The following DDX17 variants were observed in gnomAD, a reference collection of about 807,000 sequenced individuals.
DDX17 encodes the protein DEAD-box helicase 17.
In DDX17, 10 loss-of-function variants were observed where a neutral mutation model predicts 80.8. The observed-to-expected ratio is 0.12, with a 90% CI of 0.08 to 0.21. The LOEUF (loss-of-function observed/expected upper bound fraction) is 0.21, where lower values mean the gene tolerates loss of function less well. DDX17 is among the 10% of genes least tolerant of loss of function. The probability of loss-of-function intolerance (pLI) is 1.00; values close to 1 mark genes in which losing one functional copy is unlikely to be tolerated. For missense variants in DDX17, 586 were observed against 957.4 expected, an observed-to-expected ratio of 0.61 and a Z score of 5.12; for synonymous variants, 339 against 336.2, an observed-to-expected ratio of 1.01 and a Z score of -0.09.
intron 1 of DDX17, 27 bp downstream of exon 1, chr22:38,505,924 G>C (rs767818090): frequency 6.5e-7 from 1 of 1,541,604 alleles, no homozygotes; most frequent in Non-Finnish European, 8.7e-7. Flanking sequence ...CCCACGCCAG[G>C]CCTCTCCTCT....
chr22:38,500,958 C>T (rs1328461122), intron 2 of DDX17, among the ~76,000 whole-genome samples, 172 bp downstream of exon 2: 10 of 138,944 alleles, frequency 7.2e-5, no homozygotes, highest in East Asian at 2.0e-4. Flanking sequence ...TGGCGAAACC[C>T]GGTCTCTACA....
At chr22:38,503,933 G>A (rs1349483760) in intron 1 of DDX17, among the ~76,000 whole-genome samples, 1 of 152,150 alleles carries the variant, frequency 6.6e-6, no homozygotes, top group African/African-American at 2.4e-5. Context: ...TATGAAAGAA[G>A]GCTAGTTCGT....
At chr22:38,488,256 AG>A in intron 11 of DDX17, 141 bp from the exon 12 acceptor site, 3 of 1,557,466 alleles carry the variant, frequency 1.9e-6, no homozygotes, top group Non-Finnish European at 1.7e-6. Flanking sequence ...CACTCTGAAC[AG>A]AAACAAAAAA....
chr22:38,491,527 C>T (rs1023109702), intron 11 of DDX17: 2 of 152,112 alleles, frequency 1.3e-5, no homozygotes, highest in African/African-American at 2.4e-5. Context: ...AATTTGACCT[C>T]AGTAAATTAA....
chr22:38,491,692 G>T (rs971437904), intron 11 of DDX17: 1 of 202,208 alleles, frequency 4.9e-6, no homozygotes, highest in Non-Finnish European at 9.8e-6. Context: ...CAATAGCTAG[G>T]TTTCGTCAGG....
chr22:38,490,216 TAGA>T, intron 11 of DDX17: 1 of 1,211,076 alleles, frequency 8.3e-7, no homozygotes, highest in Non-Finnish European at 1.0e-6. Context: ...GCTGCCTTTC[TAGA>T]AGATGCTGTA....
intron 11 of DDX17, chr22:38,488,476 C>T: frequency 1.3e-5 from 14 of 1,119,358 alleles, no homozygotes; most frequent in South Asian, 9.9e-5. Context: ...AAAACCAGAA[C>T]ATAGAACAAA....
chr22:38,502,106 T>C (rs1319336112), intron 1 of DDX17, among the ~76,000 whole-genome samples: 1 of 152,188 alleles, frequency 6.6e-6, no homozygotes, highest in Non-Finnish European at 1.5e-5. Context: ...ATTTTTAGCT[T>C]ACGCTAATAA....
chr22:38,488,915 GAAATT>G (rs2089687894), intron 11 of DDX17: 1 of 985,314 alleles, frequency 1.0e-6, no homozygotes, highest in Non-Finnish European at 1.2e-6. Context: ...CGTGACCTGG[GAAATT>G]AAATTAATAG....
At chr22:38,502,119 G>C (rs568867666) in intron 1 of DDX17, among the ~76,000 whole-genome samples, 9 of 152,334 alleles carry the variant, frequency 5.9e-5, no homozygotes, top group African/African-American at 1.9e-4. Context: ...GCTAATAAAA[G>C]AGCTGAGCCT....
intron 11 of DDX17, chr22:38,490,090 G>A: frequency 9.1e-7 from 1 of 1,100,830 alleles, no homozygotes; most frequent in Non-Finnish European, 1.1e-6. Context: ...TACTAGAAAG[G>A]TGTCCTGTGT....
Position 38,485,826 on chromosome 22 carries a change from AAAAAG to A in DDX17, c.*104_*108del. On this transcript the variant is annotated 3_prime_UTR_variant, in exon 13 of 13. Coordinates refer to ENST00000403230, the MANE Select transcript of DDX17 (RefSeq NM_006386.5). ...GGTTGGGGGGAAAAATTAAAAAAAA[AAAAAG>A]AAAAAAGGAAAAAAAAAGAAAAGGC... The A allele has an allele frequency of 7.2e-7, 1 of 1,397,562 alleles. No individual in the cohort carries two copies. The highest frequency in any genetic ancestry group is 9.3e-7 in the Non-Finnish European group (1 of 1,074,568). The allele number at this position is 1,397,562 out of a possible 1,614,324, so 86.6% of individuals were successfully genotyped here. A position where few individuals can be genotyped will look rare whatever the true frequency, so the allele number is the denominator to read the frequency against.
At chr22:38,499,320 TCAAA>T in intron 3 of DDX17, 76 bp downstream of exon 3, 3 of 1,084,534 alleles carry the variant, frequency 2.8e-6, no homozygotes, top group Non-Finnish European at 4.3e-6. Context: ...CAAGCCTGGC[TCAAA>T]GAGTTTAACC....
At position 38,489,840 on chromosome 22, in the gene DDX17, T is replaced by TA. The variant is rs749902793; in HGVS notation, c.1448-1726dup. The TA allele has an allele frequency of 2.9e-5, 29 of 985,822 alleles. No homozygotes were observed. Among genetic ancestry groups the TA allele is most frequent in the Non-Finnish European group, 3.4e-5 (28 of 830,366 alleles). 61.1% of individuals were successfully genotyped at this position (985,822 alleles called of 1,614,324 possible). A position where few individuals can be genotyped will look rare whatever the true frequency, so the allele number is the denominator to read the frequency against. ...AGAATTTACAGGGCCAGGGTGGATG[T>TA]AAGACAGGGGGTGGGGAATTCTACT... On this transcript the variant is annotated intron_variant, in intron 11 of 12. Coordinates refer to ENST00000403230, the MANE Select transcript of DDX17 (RefSeq NM_006386.5). This position sits in a 1 kb window ranked among gnomAD's most constrained non-coding sequence, Gnocchi z 4.6.
In DDX17 at chr22:38,489,623, A is replaced by C. The variant is rs543988126; in HGVS notation, c.1448-1508T>G. On this transcript the variant is annotated intron_variant, in intron 11 of 12. Transcript: ENST00000403230. The surrounding 1 kb of genome is among the most constrained non-coding windows in gnomAD (Gnocchi z 4.6). ...AATTTCAAGGGAGAAAGGGGAGATTAAAAAAAAAAAATTAGCTGTTGTTAC... is the reference window on the plus strand; with the variant it reads ...AATTTCAAGGGAGAAAGGGGAGATTCAAAAAAAAAAATTAGCTGTTGTTAC... 0.036 allele frequency: 17,653 copies of C among 495,344 alleles called. 14 individuals are homozygous for C. Among genetic ancestry groups the C allele is most frequent in the South Asian group, 0.076 (920 of 12,028 alleles). 30.7% of individuals were successfully genotyped at this position (495,344 alleles called of 1,614,324 possible).
At chr22:38,500,002 T>TG (rs1026824537) in intron 2 of DDX17, among the ~76,000 whole-genome samples, 24 of 149,890 alleles carry the variant, frequency 1.6e-4, no homozygotes, top group African/African-American at 5.7e-4. Flanking sequence ...CCGTCTCTAC[T>TG]GAAAAAAAAA....
At position 38,489,236 on chromosome 22, in the gene DDX17, A is replaced by G. The variant is rs1602671808; in HGVS notation, c.1448-1121T>C. ...TCTGTTTGTTACCAGACCGATGCACACTCCCTCCTCCTTTGGGAAACCGCT... is the reference window on the plus strand; with the variant it reads ...TCTGTTTGTTACCAGACCGATGCACGCTCCCTCCTCCTTTGGGAAACCGCT... On this transcript the variant is annotated intron_variant, in intron 11 of 12. Coordinates refer to ENST00000403230, the MANE Select transcript of DDX17 (RefSeq NM_006386.5). This position sits in a 1 kb window ranked among gnomAD's most constrained non-coding sequence, Gnocchi z 4.6. 2 of 985,462 alleles carry G rather than the reference A, an allele frequency of 2.0e-6. No homozygotes were observed. Among genetic ancestry groups the G allele is most frequent in the African/African-American group, 1.8e-5 (1 of 57,116 alleles). 61.0% of individuals were successfully genotyped at this position (985,462 alleles called of 1,614,324 possible).
intron 11 of DDX17, 127 bp from the exon 12 acceptor site, chr22:38,488,242 T>C: frequency 6.3e-7 from 1 of 1,583,536 alleles, no homozygotes; most frequent in Non-Finnish European, 8.6e-7. Context: ...GTGAAGTTAG[T>C]AACCACTCTG....
intron 11 of DDX17, chr22:38,490,543 T>C: frequency 1.1e-6 from 1 of 928,234 alleles, no homozygotes; most frequent in Non-Finnish European, 1.5e-6. Flanking sequence ...AGGGAAGTGG[T>C]AGCCTAAGGA....
Sources: allele counts gnomAD v4.1 joint callset (sites outside exome capture counted in the v4.1 genomes callset), GRCh38; gene constraint gnomAD v4.1.1; non-coding constraint Gnocchi (gnomAD v3.1); transcripts MANE v1.5; gene names NCBI Gene and HGNC (gene_info 2026-07-23, HGNC 2026-07-21).